HPSE2: variants seen among roughly 807,000 people sequenced by gnomAD.
HPSE2 encodes the protein inactive heparanase-2.
HPSE2 carries 38 observed loss-of-function variants against 60.5 expected under a neutral mutation model. The observed-to-expected ratio is 0.63, with a 90% CI of 0.48 to 0.82. The LOEUF is 0.82. HPSE2 is among the 40% of genes least tolerant of loss of function. The pLI is 0.00. For missense variants in HPSE2, 713 were observed against 740.4 expected (o/e 0.96, Z 0.43); for synonymous variants, 295 against 293.2 (o/e 1.01, Z -0.06).
chr10:99,265,897 T>G, the HPSE2 span, among the ~76,000 whole-genome samples: 2 of 152,150 alleles, frequency 1.3e-5, no homozygotes, highest in African/African-American at 2.4e-5. Context: ...GGAGAAGGAT[T>G]TGACCTTACC....
the HPSE2 span, among the ~76,000 whole-genome samples, chr10:99,309,719 T>A: frequency 6.6e-6 from 1 of 152,190 alleles, no homozygotes; most frequent in African/African-American, 2.4e-5. Flanking sequence ...ATCTATTATA[T>A]AGCTTATTAA....
intron 3 of HPSE2, among the ~76,000 whole-genome samples, chr10:98,857,269 A>C (rs1160989451): frequency 6.6e-6 from 1 of 152,106 alleles, no homozygotes; most frequent in East Asian, 1.9e-4. Context: ...TGGGTACCTT[A>C]CTTGCACAGA....
chr10:98,528,005 T>G (rs988571974), intron 9 of HPSE2, among the ~76,000 whole-genome samples: 1 of 152,218 alleles, frequency 6.6e-6, no homozygotes, highest in Non-Finnish European at 1.5e-5. Context: ...CAGGTGGGTA[T>G]CATTCGCGGT....
intron 9 of HPSE2, among the ~76,000 whole-genome samples, chr10:98,513,044 G>A (rs1314307600): frequency 6.6e-6 from 1 of 152,114 alleles, no homozygotes; most frequent in African/African-American, 2.4e-5. Context: ...GTTCATATGT[G>A]TCTTTCCTTC....
chr10:99,118,292 G>C (rs1180411593), intron 3 of HPSE2, among the ~76,000 whole-genome samples: 1 of 152,094 alleles, frequency 6.6e-6, no homozygotes, highest in African/African-American at 2.4e-5. Flanking sequence ...GGGAGGCCAA[G>C]GTGGGTGGAT....
chr10:98,762,827 C>G, intron 3 of HPSE2, among the ~76,000 whole-genome samples: 1 of 152,022 alleles, frequency 6.6e-6, no homozygotes, highest in Admixed American at 6.6e-5. Context: ...GAAAATCTGA[C>G]CAATTCTCAA....
the HPSE2 span, among the ~76,000 whole-genome samples, chr10:99,259,683 C>T: frequency 6.6e-6 from 1 of 152,158 alleles, no homozygotes; most frequent in Non-Finnish European, 1.5e-5. Flanking sequence ...CACTCTAAGG[C>T]AGGGGTCCCC....
chr10:98,801,191 G>T (rs933509352), intron 3 of HPSE2, among the ~76,000 whole-genome samples: 1 of 151,998 alleles, frequency 6.6e-6, no homozygotes, highest in African/African-American at 2.4e-5. Flanking sequence ...AAATAACTAG[G>T]TACTGAAGGA....
chr10:99,102,275 T>C (rs535738441), intron 3 of HPSE2, among the ~76,000 whole-genome samples: 19 of 151,538 alleles, frequency 1.3e-4, no homozygotes, highest in Admixed American at 3.3e-4. Flanking sequence ...ATCAAATAGA[T>C]GCAATAAAAA....
At chr10:99,259,311 A>AG in the HPSE2 span, among the ~76,000 whole-genome samples, 3 of 148,762 alleles carry the variant, frequency 2.0e-5, no homozygotes. Context: ...CCCCCACCAA[A>AG]AAAAAAAAAA....
rs537010828 is a variant in HPSE2 at position 99,068,375 on chromosome 10, G to A, written c.610+75863C>T. On this transcript the variant is annotated intron_variant, in intron 3 of 11. Coordinates refer to ENST00000370552, the MANE Select transcript of HPSE2 (RefSeq NM_021828.5). ...GGAGGTTTAATTGACACAGTTCCAC[G>A]TGGCTGGGGAGACTCACAATCATGG... Among the ~76,000 whole-genome samples, 27 of 152,272 alleles carry A rather than the reference G, an allele frequency of 1.8e-4. No individual in the cohort carries two copies. The South Asian group carries it at 4.6e-3, about 26-fold the overall frequency.
At chr10:99,012,087 TAA>T (rs1957031044) in intron 3 of HPSE2, among the ~76,000 whole-genome samples, 1 of 151,834 alleles carries the variant, frequency 6.6e-6, no homozygotes, top group Non-Finnish European at 1.5e-5. Context: ...ATTTAATACT[TAA>T]AAATAATATA....
chr10:98,573,557 G>T (rs764381512), intron 9 of HPSE2, among the ~76,000 whole-genome samples: 6 of 152,162 alleles, frequency 3.9e-5, no homozygotes, highest in Non-Finnish European at 5.9e-5. Context: ...GGTGAAATGG[G>T]GTGAGAGCGT....
intron 3 of HPSE2, among the ~76,000 whole-genome samples, chr10:99,048,529 T>C (rs576956899): frequency 6.6e-6 from 1 of 152,224 alleles, no homozygotes; most frequent in Middle Eastern, 3.4e-3. Flanking sequence ...CACAGTGAGA[T>C]ACCATCTCAA....
chr10:98,704,399 A>C (rs1336856265), intron 5 of HPSE2, among the ~76,000 whole-genome samples: 2 of 141,694 alleles, frequency 1.4e-5, no homozygotes, highest in Non-Finnish European at 3.0e-5. Flanking sequence ...CAGAGTTAGA[A>C]AAAACTACTT....
At chr10:98,474,028 C>T (rs1192174842) in intron 11 of HPSE2, among the ~76,000 whole-genome samples, 2 of 152,126 alleles carry the variant, frequency 1.3e-5, no homozygotes, top group Admixed American at 6.5e-5. Flanking sequence ...TAAATGATCC[C>T]AGACAAGTGA....
At chr10:98,981,727 TA>T (rs1434302308) in intron 3 of HPSE2, among the ~76,000 whole-genome samples, 1 of 152,146 alleles carries the variant, frequency 6.6e-6, no homozygotes, top group African/African-American at 2.4e-5. Context: ...TCTCCCCTTC[TA>T]ACCCCTCAAT....
chr10:99,184,831 G>C (rs1448344923), intron 2 of HPSE2, among the ~76,000 whole-genome samples: 14,294 of 49,324 alleles, frequency 0.29, 4,044 homozygotes, highest in Non-Finnish European at 0.53. Flanking sequence ...GAGAGAGAGA[G>C]AGAGAGAGAG....
chr10:99,143,572 C>G (rs73333704), intron 3 of HPSE2, among the ~76,000 whole-genome samples: 1 of 152,302 alleles, frequency 6.6e-6, no homozygotes, highest in African/African-American at 2.4e-5. Context: ...GAGTTCATCT[C>G]AAATCCTTAA....
Sources: allele counts gnomAD v4.1 joint callset (sites outside exome capture counted in the v4.1 genomes callset), GRCh38; gene constraint gnomAD v4.1.1; transcripts MANE v1.5; gene names NCBI Gene and HGNC (gene_info 2026-07-23, HGNC 2026-07-21).